The following DGKB variants were observed in gnomAD, a reference collection of about 807,000 sequenced individuals.
DGKB encodes diacylglycerol kinase beta, also known as 90 kDa diacylglycerol kinase.
DGKB carries 67 observed loss-of-function variants against 114.3 expected under a neutral mutation model. That is an observed-to-expected ratio of 0.59 (90% CI 0.48 to 0.72). The LOEUF (loss-of-function observed/expected upper bound fraction) is 0.72. DGKB is among the 30% of genes least tolerant of loss of function. DGKB has a pLI of 0.00. For missense variants in DGKB, 907 were observed against 975.2 expected, an observed-to-expected ratio of 0.93 and a Z score of 0.93; for synonymous variants, 398 against 323.1, an observed-to-expected ratio of 1.23 and a Z score of -2.49.
chr7:14,196,563 A>C, intron 23 of DGKB, among the ~76,000 whole-genome samples: 1 of 152,156 alleles, frequency 6.6e-6, no homozygotes, highest in East Asian at 1.9e-4. Context: ...ATTAATGTTG[A>C]CATAAATAGT....
At chr7:14,402,823 G>A (rs1823348394) in intron 21 of DGKB, among the ~76,000 whole-genome samples, 1 of 151,810 alleles carries the variant, frequency 6.6e-6, no homozygotes, top group Admixed American at 6.6e-5. Flanking sequence ...ACATAGGCGG[G>A]CCTTCATCTA....
chr7:14,917,021 T>C (rs79221448), intron 1 of DGKB, among the ~76,000 whole-genome samples: 1 of 152,046 alleles, frequency 6.6e-6, no homozygotes, highest in Non-Finnish European at 1.5e-5. Flanking sequence ...TTAAACAGCA[T>C]TTTTAAATAA....
At chr7:14,508,406 C>A (rs1787440688) in intron 20 of DGKB, among the ~76,000 whole-genome samples, 4 of 152,146 alleles carry the variant, frequency 2.6e-5, no homozygotes, top group Non-Finnish European at 5.9e-5. Context: ...TTTAAATAAC[C>A]CATTTTCTGC....
At chr7:14,622,604 G>T (rs948029577) in intron 14 of DGKB, among the ~76,000 whole-genome samples, 2 of 152,038 alleles carry the variant, frequency 1.3e-5, no homozygotes, top group Non-Finnish European at 1.5e-5. Flanking sequence ...ATCTCAAACT[G>T]GATGACAACT....
intron 4 of DGKB, among the ~76,000 whole-genome samples, chr7:14,747,775 G>GTGCGCGCGCGCACACACACACA (rs1554636407): frequency 1.3e-5 from 2 of 149,178 alleles, no homozygotes; most frequent in African/African-American, 2.5e-5. Context: ...ACATCCACGC[G>GTGCGCGCGCGCACACACACACA]CACGCACACA....
intron 1 of DGKB, among the ~76,000 whole-genome samples, chr7:14,859,232 A>G (rs1234398335): frequency 6.6e-6 from 1 of 152,096 alleles, no homozygotes; most frequent in Non-Finnish European, 1.5e-5. Context: ...GGTCTGGGAA[A>G]AAAAGCAGTT....
intron 21 of DGKB, among the ~76,000 whole-genome samples, chr7:14,350,029 G>T (rs1361949506): frequency 6.6e-6 from 1 of 152,076 alleles, no homozygotes; most frequent in Non-Finnish European, 1.5e-5. Context: ...AATTAACGTA[G>T]TAAACCCTAT....
chr7:14,820,795 C>A (rs1156519558), intron 2 of DGKB, among the ~76,000 whole-genome samples: 4 of 152,126 alleles, frequency 2.6e-5, no homozygotes, highest in Non-Finnish European at 5.9e-5. Context: ...CCAAAATTAA[C>A]ATAGTGTGTT....
At chr7:14,944,971 A>C (rs1276816225) in intron 1 of DGKB, among the ~76,000 whole-genome samples, 1 of 151,890 alleles carries the variant, frequency 6.6e-6, no homozygotes, top group Non-Finnish European at 1.5e-5. Context: ...ATAATCTAGT[A>C]GAAAAATAAC....
In DGKB at chr7:14,490,471, A is replaced by T. The variant is rs148780460; in HGVS notation, c.1771-12246T>A. On this transcript the variant is annotated intron_variant, in intron 20 of 25. Transcript: ENST00000402815. The stretch of plus-strand genomic sequence containing the variant: ...ACGTGCCCAGCTAATAAACAAATAC[A>T]TTCTGATTTTCCTGGGTACCTTTGT... Among the ~76,000 whole-genome samples the T allele has an allele frequency of 3.3e-4, 51 of 152,306 alleles. 1 individual carries two copies. The East Asian group carries it at 9.5e-3, about 28-fold the overall frequency.
chr7:14,622,819 T>A (rs992032131), intron 14 of DGKB, among the ~76,000 whole-genome samples: 1 of 152,122 alleles, frequency 6.6e-6, no homozygotes, highest in Non-Finnish European at 1.5e-5. Flanking sequence ...CAATCATGCT[T>A]TAAATTCAGA....
At chr7:14,290,233 C>T (rs4385371) in intron 23 of DGKB, among the ~76,000 whole-genome samples, 132,708 of 152,162 alleles carry the variant, frequency 0.87, 58,206 homozygotes, top group African/African-American at 0.97. Context: ...ATCTGGAAAA[C>T]AAAAGAGTAA....
At chr7:14,228,884 C>CTGTGTGTGTGTGTG (rs71548072) in intron 23 of DGKB, among the ~76,000 whole-genome samples, 9,543 of 148,648 alleles carry the variant, frequency 0.064, 739 homozygotes, top group African/African-American at 0.18. Context: ...AGTTTTTTTT[C>CTGTGTGTGTGTGTG]TGTGTGTGTG....
intron 9 of DGKB, among the ~76,000 whole-genome samples, chr7:14,689,824 T>C (rs1822498365): frequency 6.6e-6 from 1 of 152,192 alleles, no homozygotes; most frequent in Non-Finnish European, 1.5e-5. Context: ...ATATAATACA[T>C]AGTCTTCTAT....
chr7:14,338,169 G>A (rs1056579650), intron 23 of DGKB, among the ~76,000 whole-genome samples: 5 of 152,022 alleles, frequency 3.3e-5, no homozygotes, highest in African/African-American at 1.2e-4. Context: ...CCTTAACTAC[G>A]TCCTTATTCC....
At chr7:14,937,076 CTTT>C (rs1363785020) in intron 1 of DGKB, among the ~76,000 whole-genome samples, 8 of 102,990 alleles carry the variant, frequency 7.8e-5, no homozygotes, top group Non-Finnish European at 2.1e-5. Context: ...ACACACACAT[CTTT>C]TGTTAAATTT....
intron 25 of DGKB, among the ~76,000 whole-genome samples, chr7:14,151,144 C>T (rs568030440): frequency 1.3e-5 from 2 of 152,036 alleles, no homozygotes; most frequent in East Asian, 1.9e-4. Flanking sequence ...TACATGATAA[C>T]CTTAGATTCA....
chr7:14,965,420 T>C (rs1054935851), intron 1 of DGKB, among the ~76,000 whole-genome samples: 11 of 152,116 alleles, frequency 7.2e-5, no homozygotes, highest in African/African-American at 2.7e-4. Flanking sequence ...GAATAACTCA[T>C]CTCAAGTAGA....
At chr7:14,660,280 A>G (rs1340165602) in intron 13 of DGKB, among the ~76,000 whole-genome samples, 5 of 151,332 alleles carry the variant, frequency 3.3e-5, no homozygotes, top group East Asian at 2.0e-4. Context: ...CTCTTTTTCT[A>G]TTGATTGGAA....
Sources: gnomAD v4.1 joint callset for allele counts (sites outside exome capture counted in the v4.1 genomes callset) on GRCh38, gnomAD v4.1.1 for gene constraint, MANE v1.5 for transcripts, NCBI Gene and HGNC (gene_info 2026-07-23, HGNC 2026-07-21) for gene names.